Variants in FAM124A observed in about 807,000 individuals in gnomAD.
The protein encoded by FAM124A is family with sequence similarity 124 member A, also known as protein FAM124A.
In FAM124A, 23 loss-of-function variants were observed where a neutral mutation model predicts 24.5. The observed-to-expected ratio is 0.94, with a 90% CI of 0.68 to 1.33. The LOEUF (loss-of-function observed/expected upper bound fraction) is 1.33, where lower values mean the gene tolerates loss of function less well. Ranked by LOEUF, FAM124A falls within the 40% of genes most tolerant of loss-of-function variation. The pLI, the probability that FAM124A is intolerant of heterozygous loss-of-function variation, is 0.00. For missense variants in FAM124A, 623 were observed against 722.8 expected, an observed-to-expected ratio of 0.86 and a Z score of 1.58; for synonymous variants, 287 against 314.7, an observed-to-expected ratio of 0.91 and a Z score of 0.93.
intron 3 of FAM124A, among the ~76,000 whole-genome samples, chr13:51,266,656 G>T (rs1954788997): frequency 6.6e-6 from 1 of 152,164 alleles, no homozygotes; most frequent in South Asian, 2.1e-4. Flanking sequence ...GAAAGACAAG[G>T]CCACCTTCTT....
chr13:51,239,800 G>A (rs1954472427), intron 2 of FAM124A, among the ~76,000 whole-genome samples: 1 of 152,166 alleles, frequency 6.6e-6, no homozygotes, highest in Non-Finnish European at 1.5e-5. Context: ...GTGATTTTAT[G>A]TACACAAAAG....
At chr13:51,257,411 G>A (rs1293334647) in intron 3 of FAM124A, among the ~76,000 whole-genome samples, 1 of 152,216 alleles carries the variant, frequency 6.6e-6, no homozygotes, top group African/African-American at 2.4e-5. Flanking sequence ...AGTGACAGTG[G>A]TTGGAAAGAG....
At position 51,243,094 on chromosome 13, in the gene FAM124A, TA is replaced by T. The variant is rs934805848; in HGVS notation, c.101-8369del. Among the ~76,000 whole-genome samples, 32 of 152,338 alleles carry T rather than the reference TA, an allele frequency of 2.1e-4. 1 individual carries two copies. Among genetic ancestry groups the T allele is most frequent in the Admixed American group, 1.8e-3 (27 of 15,292 alleles). Reference sequence around the variant, plus strand: ...ATAAATGCAGTTTGGATCTCCATGTTAAAAATCCTATATGTCACTTCACTGC... The same window carrying T: ...ATAAATGCAGTTTGGATCTCCATGTTAAAATCCTATATGTCACTTCACTGC... On this transcript the variant is annotated intron_variant, in intron 2 of 3. Transcript: ENST00000322475.
chr13:51,274,450 G>A (rs1376419919), intron 3 of FAM124A, among the ~76,000 whole-genome samples: 2 of 152,146 alleles, frequency 1.3e-5, no homozygotes, highest in African/African-American at 4.8e-5. Context: ...TTGGATTTCA[G>A]ATTTGGGATT....
At chr13:51,257,215 G>A (rs1229707405) in intron 3 of FAM124A, among the ~76,000 whole-genome samples, 1 of 152,182 alleles carries the variant, frequency 6.6e-6, no homozygotes, top group African/African-American at 2.4e-5. Flanking sequence ...GGAATTGCTG[G>A]ATTGTACAGT....
chr13:51,263,393 GCTT>G (rs1566171994), intron 3 of FAM124A, among the ~76,000 whole-genome samples: 3 of 152,200 alleles, frequency 2.0e-5, no homozygotes, highest in African/African-American at 7.2e-5. Flanking sequence ...CCCTGAAGAC[GCTT>G]CTTCTCCCCT....
chr13:51,238,588 G>A (rs1210087875), intron 2 of FAM124A, among the ~76,000 whole-genome samples: 2 of 152,196 alleles, frequency 1.3e-5, no homozygotes, highest in South Asian at 2.1e-4. Flanking sequence ...TAAAACACGG[G>A]ATATATCCCT....
chr13:51,235,071 T>C (rs922809297), intron 2 of FAM124A, among the ~76,000 whole-genome samples: 1 of 140,848 alleles, frequency 7.1e-6, no homozygotes, highest in African/African-American at 2.5e-5. Context: ...TAATGGATGG[T>C]TTGGTTTTGT....
At chr13:51,250,187 TA>T in intron 2 of FAM124A, among the ~76,000 whole-genome samples, 1 of 152,092 alleles carries the variant, frequency 6.6e-6, no homozygotes, top group Admixed American at 6.5e-5. Flanking sequence ...CTACCTACCA[TA>T]AAAAAATTTT....
In FAM124A at chr13:51,251,829, C is replaced by T; in HGVS notation, c.462C>T (p.Ala154=). The T allele has an allele frequency of 6.2e-7, 1 of 1,606,632 alleles. No individual in the cohort carries two copies. Among genetic ancestry groups the T allele is most frequent in the Non-Finnish European group, 8.5e-7 (1 of 1,176,620 alleles). The change falls in exon 3 of 4, where the codon GCC becomes GCT. Residue 154 remains alanine, a synonymous_variant. Coordinates refer to ENST00000322475, the MANE Select transcript of FAM124A (RefSeq NM_001242312.2). The surrounding 1 kb of genome is among the most constrained non-coding windows in gnomAD (Gnocchi z 5.3). ...GCAGCCAGGACTTCTTCACGCTGGC[C>T]CCTGGGACGCCGCTTTGGGCCATCC... ...LPCSQDFFTL[A]PGTPLWAIRP...
In FAM124A at chr13:51,280,750, CCA is replaced by C; in HGVS notation, c.1138_1139del (p.Gln380ValfsTer25). The C allele has an allele frequency of 6.2e-7, 1 of 1,614,236 alleles. No homozygotes were observed. Among genetic ancestry groups the C allele is most frequent in the East Asian group, 2.2e-5 (1 of 44,878 alleles). ...GGPSLASSAE[P>X]QWFSNTGAPG... ...CCCCTCCCTGGCCTCCTCAGCTGAA[CCA>C]CAGTGGTTTTCAAACACAGGTGCCC... On this transcript the variant is annotated frameshift_variant, in exon 4 of 4. Transcript: ENST00000322475. LOFTEE classifies it low-confidence loss of function (END_TRUNC).
intron 3 of FAM124A, among the ~76,000 whole-genome samples, chr13:51,261,275 G>A (rs1470376272): frequency 1.3e-5 from 2 of 152,182 alleles, no homozygotes; most frequent in African/African-American, 2.4e-5. Flanking sequence ...CACGGGGCTA[G>A]TGCAGAGGGT....
chr13:51,246,400 G>GC (rs1954560374), intron 2 of FAM124A, among the ~76,000 whole-genome samples: 1 of 107,116 alleles, frequency 9.3e-6, no homozygotes, highest in Non-Finnish European at 2.1e-5. Flanking sequence ...TGTTTCTCGT[G>GC]GGGTGGGGGG....
At chr13:51,277,964 A>G (rs1954899666) in intron 3 of FAM124A, among the ~76,000 whole-genome samples, 1 of 152,170 alleles carries the variant, frequency 6.6e-6, no homozygotes, top group South Asian at 2.1e-4. Flanking sequence ...ACTGAATTCC[A>G]ATTTTTTGGT....
rs1175295298 is a variant in FAM124A, at chr13:51,272,296, A to G, written c.835-8154A>G. On this transcript the variant is annotated intron_variant, in intron 3 of 3. Coordinates refer to ENST00000322475, the MANE Select transcript of FAM124A (RefSeq NM_001242312.2). The surrounding 1 kb of genome is among the most constrained non-coding windows in gnomAD (Gnocchi z 4.2). ...CTCCCTACCAAATCAAGAGTCCCCA[A>G]ACCACACTCCCCTCCTGCCCGCACT... Among the ~76,000 whole-genome samples the G allele has an allele frequency of 6.6e-6, 1 of 151,978 alleles. No homozygotes were observed. Among genetic ancestry groups the G allele is most frequent in the Non-Finnish European group, 1.5e-5 (1 of 67,988 alleles).
At chr13:51,239,342 G>C (rs1348315578) in intron 2 of FAM124A, among the ~76,000 whole-genome samples, 1 of 152,066 alleles carries the variant, frequency 6.6e-6, no homozygotes, top group African/African-American at 2.4e-5. Context: ...GCCTTTGTAG[G>C]ATTTTTTTCT....
At chr13:51,261,522 G>A (rs1954738140) in intron 3 of FAM124A, among the ~76,000 whole-genome samples, 1 of 152,190 alleles carries the variant, frequency 6.6e-6, no homozygotes, top group African/African-American at 2.4e-5. Flanking sequence ...AGCCCTGAGA[G>A]GAAGAGTAAT....
At chr13:51,223,166 A>G (rs1593580592) in intron 1 of FAM124A, among the ~76,000 whole-genome samples, 2 of 148,704 alleles carry the variant, frequency 1.3e-5, no homozygotes, top group Admixed American at 1.3e-4. Context: ...CGGGATGGAG[A>G]TGGTGTTGGG....
intron 3 of FAM124A, among the ~76,000 whole-genome samples, chr13:51,255,210 G>A (rs546686175): frequency 4.6e-5 from 7 of 152,188 alleles, no homozygotes; most frequent in African/African-American, 1.4e-4. Context: ...ATGACAATTA[G>A]AACAAAGGGA....
Sources: allele counts gnomAD v4.1 joint callset (sites outside exome capture counted in the v4.1 genomes callset), GRCh38; gene constraint gnomAD v4.1.1; non-coding constraint Gnocchi (gnomAD v3.1); transcripts MANE v1.5; gene names NCBI Gene and HGNC (gene_info 2026-07-23, HGNC 2026-07-21).